Variants in SUMF1 observed in about 807,000 individuals in gnomAD.
The protein encoded by SUMF1 is sulfatase modifying factor 1, also known as formylglycine-generating enzyme.
A neutral mutation model predicts 47.6 loss-of-function variants in SUMF1; 48 were observed. The ratio of observed to expected loss-of-function variants is 1.01; its 90% confidence interval spans 0.80 to 1.28. SUMF1 has a LOEUF of 1.28. Ranked by LOEUF, SUMF1 falls within the 50% of genes most tolerant of loss-of-function variation. SUMF1 has a pLI of 0.00. For missense variants in SUMF1, 571 were observed against 485.4 expected (o/e 1.18, Z -1.66); for synonymous variants, 230 against 192.1 (o/e 1.20, Z -1.63).
At chr3:4,159,906 C>T (rs1385611035) in intron 8 of SUMF1, among the ~76,000 whole-genome samples, 2 of 152,146 alleles carry the variant, frequency 1.3e-5, no homozygotes, top group Non-Finnish European at 2.9e-5. Context: ...ACAGTTTCCA[C>T]TGAAAAGTCT....
chr3:4,115,848 G>A (rs185661987), intron 8 of SUMF1, among the ~76,000 whole-genome samples: 57 of 152,086 alleles, frequency 3.7e-4, no homozygotes, highest in South Asian at 3.7e-3. Flanking sequence ...AATCTATTTT[G>A]TAAACGACTA....
At chr3:4,431,136 G>A (rs937481416) in intron 3 of SUMF1, among the ~76,000 whole-genome samples, 2 of 152,110 alleles carry the variant, frequency 1.3e-5, no homozygotes, top group Admixed American at 6.5e-5. Flanking sequence ...GTGGGAGGAG[G>A]CAGACAAATG....
At chr3:4,206,593 G>A (rs899085247) in intron 8 of SUMF1, among the ~76,000 whole-genome samples, 1 of 152,070 alleles carries the variant, frequency 6.6e-6, no homozygotes, top group African/African-American at 2.4e-5. Flanking sequence ...AAGGGTGTTG[G>A]AGGCAATTCA....
At chr3:4,287,611 C>T (rs546023053) in intron 8 of SUMF1, among the ~76,000 whole-genome samples, 3 of 152,272 alleles carry the variant, frequency 2.0e-5, no homozygotes, top group East Asian at 1.9e-4. Context: ...CCAAAAGGAA[C>T]GTGGCACAAT....
At chr3:4,177,575 C>A (rs546176229) in intron 8 of SUMF1, among the ~76,000 whole-genome samples, 4 of 152,072 alleles carry the variant, frequency 2.6e-5, no homozygotes, top group Non-Finnish European at 4.4e-5. Flanking sequence ...TAAATGCCCA[C>A]AAGAGAAAGC....
At chr3:4,151,246 T>C (rs893207602) in intron 8 of SUMF1, among the ~76,000 whole-genome samples, 13 of 134,070 alleles carry the variant, frequency 9.7e-5, no homozygotes, top group African/African-American at 1.5e-4. Flanking sequence ...TATCAACATA[T>C]AATAGATAAA....
chr3:4,216,474 G>A (rs1377769740), intron 8 of SUMF1, among the ~76,000 whole-genome samples: 1 of 152,142 alleles, frequency 6.6e-6, no homozygotes, highest in Non-Finnish European at 1.5e-5. Flanking sequence ...TCAGGACATA[G>A]GCATGGGCAA....
intron 8 of SUMF1, among the ~76,000 whole-genome samples, chr3:4,276,623 T>C (rs531012676): frequency 1.1e-3 from 164 of 152,316 alleles, no homozygotes; most frequent in Middle Eastern, 3.4e-3. Flanking sequence ...AATTTATTAT[T>C]GCAAGATATA....
intron 9 of SUMF1, among the ~76,000 whole-genome samples, chr3:4,068,239 A>T (rs987608111): frequency 1.3e-5 from 2 of 152,134 alleles, no homozygotes; most frequent in African/African-American, 4.8e-5. Flanking sequence ...GAATTCAAAG[A>T]GCTTTATTAG....
chr3:4,151,656 T>G (rs898996500), intron 8 of SUMF1, among the ~76,000 whole-genome samples: 1 of 148,146 alleles, frequency 6.8e-6, no homozygotes, highest in Non-Finnish European at 1.5e-5. Context: ...AGAAGAAGAA[T>G]TGATTTGGGC....
At position 4,452,776 on chromosome 3, in the gene SUMF1, G is replaced by A. The variant is rs750215654; in HGVS notation, c.444+100C>T. On this transcript the variant is annotated intron_variant, in intron 2 of 8. Transcript: ENST00000272902. ...AAATGCTTCACACAGTTCTGCCACA[G>A]AATGCAGTAAAAATGGTCAGTCAAT... 7.2e-5 allele frequency: 98 copies of A among 1,359,552 alleles called. No individual in the cohort carries two copies. In the Middle Eastern group the frequency reaches 7.5e-4, roughly 10 times the overall value. The allele number at this position is 1,359,552 out of a possible 1,614,324, so 84.2% of individuals were successfully genotyped here. A position where few individuals can be genotyped will look rare whatever the true frequency, so the allele number is the denominator to read the frequency against.
chr3:4,329,462 T>C (rs1699007540), intron 8 of SUMF1, among the ~76,000 whole-genome samples: 1 of 152,250 alleles, frequency 6.6e-6, no homozygotes, highest in Non-Finnish European at 1.5e-5. Flanking sequence ...AAGCTGCCAA[T>C]GCTTACGGTT....
chr3:4,104,570 G>A (rs1486150746), intron 8 of SUMF1, among the ~76,000 whole-genome samples: 2 of 151,760 alleles, frequency 1.3e-5, no homozygotes, highest in African/African-American at 2.4e-5. Flanking sequence ...GAGAGGTCAG[G>A]GTCCGTATTC....
At chr3:4,184,461 G>GA (rs972250243) in intron 8 of SUMF1, among the ~76,000 whole-genome samples, 22 of 148,520 alleles carry the variant, frequency 1.5e-4, no homozygotes, top group East Asian at 4.0e-4. Context: ...GTCTCAAAAA[G>GA]AAAAAAAAGA....
intron 8 of SUMF1, among the ~76,000 whole-genome samples, chr3:4,134,788 G>T (rs557631522): frequency 2.2e-4 from 33 of 151,844 alleles, no homozygotes; most frequent in African/African-American, 7.5e-4. Context: ...GATAAAGGGG[G>T]TATCACCACC....
At chr3:4,188,731 C>T (rs1695254590) in intron 8 of SUMF1, among the ~76,000 whole-genome samples, 1 of 152,070 alleles carries the variant, frequency 6.6e-6, no homozygotes, top group Non-Finnish European at 1.5e-5. Flanking sequence ...CCTCATTTTC[C>T]TTGTCTATAA....
At chr3:4,385,042 G>T (rs1700628616) in intron 7 of SUMF1, among the ~76,000 whole-genome samples, 1 of 151,668 alleles carries the variant, frequency 6.6e-6, no homozygotes, top group African/African-American at 2.4e-5. Context: ...CGCACCACCA[G>T]GCCCAGCTAA....
intron 8 of SUMF1, among the ~76,000 whole-genome samples, chr3:4,225,116 G>T (rs989307687): frequency 2.0e-5 from 3 of 150,116 alleles, no homozygotes; most frequent in Non-Finnish European, 4.4e-5. Flanking sequence ...GGAGAAAAAA[G>T]GAAAGGCCCT....
chr3:4,382,333 C>A (rs1459077100), intron 7 of SUMF1, among the ~76,000 whole-genome samples: 2 of 119,972 alleles, frequency 1.7e-5, no homozygotes, highest in African/African-American at 6.8e-5. Flanking sequence ...CACACACATA[C>A]ATGCACACAC....
Sources: gnomAD v4.1 joint callset for allele counts (sites outside exome capture counted in the v4.1 genomes callset) on GRCh38, gnomAD v4.1.1 for gene constraint, MANE v1.5 for transcripts, NCBI Gene and HGNC (gene_info 2026-07-23, HGNC 2026-07-21) for gene names.